Variants in ACSM6 observed in about 807,000 individuals in gnomAD.
ACSM6 encodes acyl-CoA synthetase medium chain family member 6.
A neutral mutation model predicts 51.1 loss-of-function variants in ACSM6; 35 were observed. The observed-to-expected ratio is 0.69, with a 90% CI of 0.52 to 0.91. The LOEUF is 0.91. Ranked by LOEUF, ACSM6 falls within the 40% of genes least tolerant of loss-of-function variation. The probability of loss-of-function intolerance (pLI) is 0.00; values close to 1 mark genes in which losing one functional copy is unlikely to be tolerated. For synonymous variants in ACSM6, 172 were observed against 207.3 expected, an observed-to-expected ratio of 0.83 and a Z score of 1.46; for missense variants, 509 against 584.1, an observed-to-expected ratio of 0.87 and a Z score of 1.32.
chr10:95,197,307 A>C (rs1224074094), intron 2 of ACSM6, among the ~76,000 whole-genome samples: 1 of 152,212 alleles, frequency 6.6e-6, no homozygotes, highest in Non-Finnish European at 1.5e-5. Flanking sequence ...CAGTGGGCCC[A>C]GGGGACCGGC....
rs1474748086 is a variant in ACSM6 at position 95,199,409 on chromosome 10, C to T, written c.193-2576C>T. ...AAACCATAAAAACCCTAGAAGAAAA[C>T]CTAGGCAATTCCATTCAGGACATAG... On this transcript the variant is annotated intron_variant, in intron 2 of 10. Transcript: ENST00000341686. Among the ~76,000 whole-genome samples, 4 of 152,262 alleles carry T rather than the reference C, an allele frequency of 2.6e-5. No individual in the cohort carries two copies. The East Asian group carries it at 7.7e-4, about 29-fold the overall frequency.
intron 2 of ACSM6, among the ~76,000 whole-genome samples, chr10:95,200,496 A>C (rs1038948874): frequency 1.3e-5 from 2 of 151,930 alleles, no homozygotes; most frequent in Non-Finnish European, 2.9e-5. Context: ...TTGAAGAAGA[A>C]GAAAAGAAGA....
chr10:95,225,789 G>A (rs1190237507), intron 10 of ACSM6: 1 of 154,338 alleles, frequency 6.5e-6, no homozygotes, highest in African/African-American at 2.4e-5. Context: ...GTACTCAGAT[G>A]TGTTTTATAC....
chr10:95,209,333 A>G (rs1274692195), intron 4 of ACSM6, among the ~76,000 whole-genome samples: 7 of 152,228 alleles, frequency 4.6e-5, no homozygotes, highest in Non-Finnish European at 8.8e-5. Context: ...AGAGAGTAGC[A>G]GGAGAGGAGG....
chr10:95,224,191 C>T (rs1475784654), intron 9 of ACSM6, among the ~76,000 whole-genome samples: 4 of 152,128 alleles, frequency 2.6e-5, no homozygotes, highest in African/African-American at 9.7e-5. Context: ...CCCTGAAGAC[C>T]TCTGATCCTT....
chr10:95,210,820 G>A (rs989724306), intron 5 of ACSM6, 27 bp downstream of exon 5: 2 of 1,597,690 alleles, frequency 1.3e-6, no homozygotes, highest in Non-Finnish European at 1.7e-6. Context: ...GCCTGTACAG[G>A]CCTGAAAGTT....
chr10:95,202,276 G>A, intron 3 of ACSM6, 81 bp downstream of exon 3: 1 of 1,238,484 alleles, frequency 8.1e-7, no homozygotes, highest in South Asian at 1.3e-5. Context: ...GGAGATGTTA[G>A]AGGGATCTCT....
exon 2 of ACSM6, chr10:95,194,610 T>C (rs1308275798): frequency 1.0e-5 from 16 of 1,552,062 alleles, no homozygotes; most frequent in Non-Finnish European, 1.3e-5. Context: ...AGGTGCCTAG[T>C]CCAAGCAGTT....
chr10:95,201,438 T>G (rs189346196), intron 2 of ACSM6: 2 of 454,364 alleles, frequency 4.4e-6, no homozygotes, highest in Non-Finnish European at 4.4e-6. Flanking sequence ...TTATTTCCCA[T>G]AGGATAATGG....
intron 2 of ACSM6, among the ~76,000 whole-genome samples, chr10:95,195,366 C>A (rs2034714670): frequency 2.0e-5 from 3 of 152,058 alleles, no homozygotes. Context: ...GCAGGAACAA[C>A]CACATGAATA....
intron 7 of ACSM6, 98 bp downstream of exon 7, chr10:95,213,038 C>T (rs1451752280): frequency 3.1e-6 from 3 of 965,260 alleles, no homozygotes; most frequent in African/African-American, 3.2e-5. Flanking sequence ...CAATCTTACC[C>T]TCCGGTAACA....
At chr10:95,213,248 A>G (rs2034912644) in intron 7 of ACSM6, among the ~76,000 whole-genome samples, 1 of 152,254 alleles carries the variant, frequency 6.6e-6, no homozygotes. Flanking sequence ...TTTAATTCAA[A>G]AAGTAAATAT....
chr10:95,194,745 T>C, intron 2 of ACSM6, 68 bp downstream of exon 2: 1 of 1,397,814 alleles, frequency 7.2e-7, no homozygotes, highest in Admixed American at 2.3e-5. Context: ...CCAAAGATCA[T>C]GAGATTCATA....
chr10:95,213,232 A>G (rs2034912591), intron 7 of ACSM6, among the ~76,000 whole-genome samples: 1 of 152,314 alleles, frequency 6.6e-6, no homozygotes, highest in South Asian at 2.1e-4. Flanking sequence ...AGACAAATAT[A>G]CTACCTTTAA....
intron 3 of ACSM6, among the ~76,000 whole-genome samples, chr10:95,206,567 A>G (rs1466418148): frequency 1.3e-5 from 2 of 152,200 alleles, no homozygotes; most frequent in Non-Finnish European, 2.9e-5. Flanking sequence ...ATAGGTCTGT[A>G]GTTGGGAGTG....
chr10:95,206,024 C>T (rs2034836069), intron 3 of ACSM6, among the ~76,000 whole-genome samples: 1 of 152,142 alleles, frequency 6.6e-6, no homozygotes, highest in South Asian at 2.1e-4. Context: ...AATTTATATA[C>T]TATAAAATTC....
chr10:95,199,766 G>A (rs1438718000), intron 2 of ACSM6, among the ~76,000 whole-genome samples: 3 of 152,262 alleles, frequency 2.0e-5, no homozygotes, highest in African/African-American at 2.4e-5. Context: ...CATCATCACC[G>A]GCCATCAGAG....
chr10:95,228,090 T>C (rs767188276), intron 10 of ACSM6, among the ~76,000 whole-genome samples: 1 of 151,336 alleles, frequency 6.6e-6, no homozygotes, highest in Non-Finnish European at 1.5e-5. Context: ...AAAAAAAGAA[T>C]CTGTGAACAC....
intron 9 of ACSM6, among the ~76,000 whole-genome samples, chr10:95,222,037 C>A (rs2034999488): frequency 1.3e-5 from 2 of 152,108 alleles, no homozygotes; most frequent in South Asian, 4.1e-4. Flanking sequence ...ACATTCTCAC[C>A]ACTTCTATCC....
Sources: allele counts gnomAD v4.1 joint callset (sites outside exome capture counted in the v4.1 genomes callset), GRCh38; gene constraint gnomAD v4.1.1; transcripts MANE v1.5; gene names NCBI Gene and HGNC (gene_info 2026-07-23, HGNC 2026-07-21).